Variants in GAREM1 observed in about 807,000 individuals in gnomAD.
GAREM1 encodes GRB2-associated and regulator of MAPK protein 1.
In GAREM1, 26 loss-of-function variants were observed where a neutral mutation model predicts 71.3. The ratio of observed to expected loss-of-function variants is 0.36; its 90% CI spans 0.27 to 0.51. The LOEUF (loss-of-function observed/expected upper bound fraction) is 0.51. GAREM1 is among the 20% of genes least tolerant of loss of function. The pLI, the probability that GAREM1 is intolerant of heterozygous loss-of-function variation, is 0.95. For missense variants in GAREM1, 1,026 were observed against 1,103.1 expected (o/e 0.93, Z 0.99); for synonymous variants, 440 against 433.2 (o/e 1.02, Z -0.20).
intron 1 of GAREM1, among the ~76,000 whole-genome samples, chr18:32,450,729 A>G (rs1851691460): frequency 6.6e-6 from 1 of 152,182 alleles, no homozygotes; most frequent in Non-Finnish European, 1.5e-5. Context: ...TAATCCCAGC[A>G]TATGGAAAGA....
At chr18:32,297,389 T>C (rs2047152803) in intron 3 of GAREM1, among the ~76,000 whole-genome samples, 1 of 152,250 alleles carries the variant, frequency 6.6e-6, no homozygotes, top group Non-Finnish European at 1.5e-5. Context: ...AGTGAACGTA[T>C]GTAAACAAAT....
At chr18:32,284,749 TTA>T (rs1567948139) in intron 4 of GAREM1, among the ~76,000 whole-genome samples, 8 of 126,628 alleles carry the variant, frequency 6.3e-5, no homozygotes, top group African/African-American at 2.9e-4. Context: ...GGGTGCCCCC[TTA>T]CTTTTTTTTT....
At position 32,267,578 on chromosome 18, in the gene GAREM1, A is replaced by G. The variant is rs2041391319; in HGVS notation, c.*293T>C. 3.8e-6 allele frequency: 1 copy of G among 266,630 alleles called. No homozygotes were observed. The highest frequency in any genetic ancestry group is 2.2e-5 in the African/African-American group (1 of 45,300). The allele number at this position is 266,630 out of a possible 1,614,324, so 16.5% of individuals were successfully genotyped here. A position where few individuals can be genotyped will look rare whatever the true frequency, so the allele number is the denominator to read the frequency against. On this transcript the variant is annotated 3_prime_UTR_variant, in exon 6 of 6. Transcript: ENST00000269209. The stretch of plus-strand genomic sequence containing the variant: ...ATAAATATCATACCTTCTCACATAA[A>G]CCTACTTGGGTAAGAATGATTTCTC...
chr18:32,466,921 T>C (rs1051100180), intron 1 of GAREM1, among the ~76,000 whole-genome samples: 11 of 152,178 alleles, frequency 7.2e-5, no homozygotes, highest in African/African-American at 1.9e-4. Context: ...GCAACATTTA[T>C]AAAGGCTCAA....
chr18:32,371,384 G>A (rs1197938707), intron 2 of GAREM1, among the ~76,000 whole-genome samples: 2 of 152,174 alleles, frequency 1.3e-5, no homozygotes, highest in Non-Finnish European at 1.5e-5. Context: ...AATTTTAGGG[G>A]AACAAAACTG....
chr18:32,327,164 T>C (rs1374098630), intron 2 of GAREM1, among the ~76,000 whole-genome samples: 1 of 152,216 alleles, frequency 6.6e-6, no homozygotes, highest in Non-Finnish European at 1.5e-5. Context: ...ATTTTGTGGC[T>C]GTAAATTTTT....
chr18:32,453,976 G>C (rs755411577), intron 1 of GAREM1, among the ~76,000 whole-genome samples: 3 of 152,010 alleles, frequency 2.0e-5, no homozygotes, highest in Non-Finnish European at 2.9e-5. Flanking sequence ...GAATCTATAG[G>C]GGGGTGGGGT....
intron 2 of GAREM1, among the ~76,000 whole-genome samples, chr18:32,321,687 T>C (rs1598959679): frequency 6.6e-6 from 1 of 152,182 alleles, no homozygotes; most frequent in East Asian, 1.9e-4. Context: ...TTTTCCCTAA[T>C]CTCTCACATT....
chr18:32,282,102 C>T (rs1352429865), intron 4 of GAREM1, among the ~76,000 whole-genome samples: 1 of 152,140 alleles, frequency 6.6e-6, no homozygotes, highest in East Asian at 1.9e-4. Flanking sequence ...CCACCCCTAT[C>T]TCCCTTCGCT....
At position 32,292,982 on chromosome 18, in the gene GAREM1, C is replaced by T. The variant is rs1264420456; in HGVS notation, c.394-4779G>A. On this transcript the variant is annotated intron_variant, in intron 3 of 5. Coordinates refer to ENST00000269209, the MANE Select transcript of GAREM1 (RefSeq NM_001242409.2). ...AATGGCTAAATATATTGATGTCTTG[C>T]GAGTTACAGAGATTGCATTTTGGAA... is the stretch of plus-strand genomic sequence containing the variant. Among the ~76,000 whole-genome samples, 6 of 152,016 alleles carry T rather than the reference C, an allele frequency of 3.9e-5. No homozygotes were observed. In the South Asian group the frequency reaches 1.0e-3, roughly 26 times the overall value.
At chr18:32,277,937 T>A (rs535925977) in intron 4 of GAREM1, among the ~76,000 whole-genome samples, 13 of 152,322 alleles carry the variant, frequency 8.5e-5, no homozygotes, top group Admixed American at 5.2e-4. Context: ...TATGAAATAA[T>A]TTCTTTCTCC....
intron 2 of GAREM1, among the ~76,000 whole-genome samples, chr18:32,328,888 A>G (rs2047498681): frequency 6.6e-6 from 1 of 152,218 alleles, no homozygotes; most frequent in Non-Finnish European, 1.5e-5. Flanking sequence ...AGATATTTGC[A>G]AAGCCTAAAA....
At chr18:32,274,336 G>A (rs561618589) in intron 4 of GAREM1, among the ~76,000 whole-genome samples, 12 of 152,266 alleles carry the variant, frequency 7.9e-5, no homozygotes, top group Admixed American at 2.6e-4. Flanking sequence ...CCAGGAGGAA[G>A]GTAGCTGTGC....
At chr18:32,447,839 T>A (rs567798599) in intron 1 of GAREM1, among the ~76,000 whole-genome samples, 1 of 152,194 alleles carries the variant, frequency 6.6e-6, no homozygotes, top group Non-Finnish European at 1.5e-5. Context: ...TTAAAAGATG[T>A]GCCATGGATG....
At chr18:32,363,983 AATACATAT>A (rs1567980434) in intron 2 of GAREM1, among the ~76,000 whole-genome samples, 5 of 62,698 alleles carry the variant, frequency 8.0e-5, no homozygotes, top group African/African-American at 2.7e-4. Context: ...CAAATACATA[AATACATAT>A]ATACATATAT....
intron 3 of GAREM1, among the ~76,000 whole-genome samples, chr18:32,301,066 A>G (rs1004574958): frequency 6.6e-6 from 1 of 152,192 alleles, no homozygotes; most frequent in African/African-American, 2.4e-5. Flanking sequence ...ATGACTTGGG[A>G]AAATATATTG....
intron 1 of GAREM1, among the ~76,000 whole-genome samples, chr18:32,428,413 T>C (rs2048594478): frequency 6.6e-6 from 1 of 151,954 alleles, no homozygotes; most frequent in African/African-American, 2.4e-5. Flanking sequence ...TGGGGGTGGT[T>C]TCTCATGAAT....
At chr18:32,453,778 C>T (rs963478265) in intron 1 of GAREM1, among the ~76,000 whole-genome samples, 6 of 152,144 alleles carry the variant, frequency 3.9e-5, no homozygotes, top group African/African-American at 9.7e-5. Flanking sequence ...GACCCCCATT[C>T]GATCAACTAC....
chr18:32,282,212 T>C (rs1197176482), intron 4 of GAREM1, among the ~76,000 whole-genome samples: 1 of 151,960 alleles, frequency 6.6e-6, no homozygotes, highest in Non-Finnish European at 1.5e-5. Flanking sequence ...CGGACGTGCA[T>C]GAAAAAGACC....
Sources: allele counts gnomAD v4.1 joint callset (sites outside exome capture counted in the v4.1 genomes callset), GRCh38; gene constraint gnomAD v4.1.1; transcripts MANE v1.5; gene names NCBI Gene and HGNC (gene_info 2026-07-23, HGNC 2026-07-21).